ARHGAP31: variants seen among roughly 807,000 people sequenced by gnomAD.
The protein encoded by ARHGAP31 is Rho GTPase activating protein 31, also known as rho GTPase-activating protein 31.
A neutral mutation model predicts 113.9 loss-of-function variants in ARHGAP31; 34 were observed. The ratio of observed to expected loss-of-function variants is 0.30; its 90% CI spans 0.23 to 0.40. ARHGAP31 has a LOEUF of 0.40. Among genes scored for constraint, ARHGAP31 ranks in the 10% least tolerant of loss-of-function variants. The pLI, the probability that ARHGAP31 is intolerant of heterozygous loss-of-function variation, is 1.00. For synonymous variants in ARHGAP31, 650 were observed against 684.8 expected, an observed-to-expected ratio of 0.95 and a Z score of 0.79; for missense variants, 1,548 against 1,767.1, an observed-to-expected ratio of 0.88 and a Z score of 2.22.
At chr3:119,342,971 A>G (rs2080022650) in intron 1 of ARHGAP31, among the ~76,000 whole-genome samples, 1 of 152,152 alleles carries the variant, frequency 6.6e-6, no homozygotes, top group African/African-American at 2.4e-5. Context: ...ATAAAAAAGG[A>G]CAAATACACA....
chr3:119,369,244 G>A (rs1020401320), intron 3 of ARHGAP31, among the ~76,000 whole-genome samples: 4 of 152,198 alleles, frequency 2.6e-5, no homozygotes, highest in African/African-American at 9.7e-5. Flanking sequence ...AGTAGGCAGA[G>A]GGCTGGGTTT....
At chr3:119,308,787 TG>T (rs1260973072) in intron 1 of ARHGAP31, among the ~76,000 whole-genome samples, 2 of 152,238 alleles carry the variant, frequency 1.3e-5, no homozygotes, top group Non-Finnish European at 2.9e-5. Flanking sequence ...TGCCCATACC[TG>T]ATGACCTCTG....
rs2107647619 is a variant in ARHGAP31, at chr3:119,415,299, G to A, written c.3370G>A (p.Val1124Met). ...TGCTGACCTCTTCTGGTTTGAGAAT[G>A]TGGCCTCATTTAGTTCACCTGGAAT... ...PIADLFWFEN[V>M]ASFSSPGMQV... The change falls in exon 12 of 12, where the codon GTG becomes ATG. Residue 1124 changes from valine (V) to methionine (M), a missense_variant. Transcript: ENST00000264245. 6.2e-7 allele frequency: 1 copy of A among 1,614,190 alleles called. No individual in the cohort carries two copies. The highest frequency in any genetic ancestry group is 2.2e-5 in the East Asian group (1 of 44,884).
intron 1 of ARHGAP31, among the ~76,000 whole-genome samples, chr3:119,328,395 C>T (rs1485887619): frequency 6.6e-6 from 1 of 152,142 alleles, no homozygotes; most frequent in Non-Finnish European, 1.5e-5. Flanking sequence ...TGATGGGAAA[C>T]TCCTACCTCA....
At chr3:119,298,347 GCT>G (rs752634164) in intron 1 of ARHGAP31, among the ~76,000 whole-genome samples, 2 of 152,168 alleles carry the variant, frequency 1.3e-5, no homozygotes, top group Non-Finnish European at 2.9e-5. Context: ...GAAGGCCCTT[GCT>G]TGCAGCTGTA....
At chr3:119,311,176 C>T (rs1399419618) in intron 1 of ARHGAP31, among the ~76,000 whole-genome samples, 2 of 152,204 alleles carry the variant, frequency 1.3e-5, no homozygotes, top group South Asian at 2.1e-4. Flanking sequence ...CACTTCCAAC[C>T]GCTGTCATAA....
chr3:119,354,005 GA>G (rs1386424322), intron 1 of ARHGAP31, among the ~76,000 whole-genome samples: 1 of 152,194 alleles, frequency 6.6e-6, no homozygotes, highest in Admixed American at 6.5e-5. Context: ...CCCCGGCAGG[GA>G]TAAGTCACAG....
At chr3:119,353,573 G>A (rs60732857) in intron 1 of ARHGAP31, among the ~76,000 whole-genome samples, 136 of 152,318 alleles carry the variant, frequency 8.9e-4, no homozygotes, top group African/African-American at 3.1e-3. Context: ...GGGAGGCCAA[G>A]GCGGGTGGAT....
At position 119,294,612 on chromosome 3, in the gene ARHGAP31, G is replaced by C. The variant is rs1224405487; in HGVS notation, c.-293G>C. On this transcript the variant is annotated 5_prime_UTR_variant, in exon 1 of 12. Transcript: ENST00000264245. ...GAAGACACCGCAGGAGCCTGTGAAA[G>C]TCCCTAGGACTCCAAGTGAGGAAGT... 1.8e-6 allele frequency: 1 copy of C among 541,278 alleles called. No individual in the cohort carries two copies. The highest frequency in any genetic ancestry group is 3.2e-5 in the East Asian group (1 of 31,530). 33.5% of individuals were successfully genotyped at this position (541,278 alleles called of 1,614,324 possible). A position where few individuals can be genotyped will look rare whatever the true frequency, so the allele number is the denominator to read the frequency against.
At chr3:119,316,150 G>A (rs2079728483) in intron 1 of ARHGAP31, among the ~76,000 whole-genome samples, 1 of 152,188 alleles carries the variant, frequency 6.6e-6, no homozygotes, top group Non-Finnish European at 1.5e-5. Context: ...TGACCTTGCA[G>A]CATTCTCTTC....
intron 10 of ARHGAP31, among the ~76,000 whole-genome samples, chr3:119,408,542 T>C (rs1201470316): frequency 6.6e-6 from 1 of 152,240 alleles, no homozygotes; most frequent in Non-Finnish European, 1.5e-5. Context: ...ATGCTTTGTC[T>C]CCATTGTCTA....
intron 1 of ARHGAP31, among the ~76,000 whole-genome samples, chr3:119,357,390 C>G (rs934620418): frequency 6.6e-6 from 1 of 152,066 alleles, no homozygotes. Context: ...GGCTGTCCAG[C>G]GTGGCTGGAA....
chr3:119,348,225 C>T (rs1159209561), intron 1 of ARHGAP31, among the ~76,000 whole-genome samples: 1 of 152,214 alleles, frequency 6.6e-6, no homozygotes, highest in Non-Finnish European at 1.5e-5. Flanking sequence ...GCATATATTA[C>T]ATGTAATAAC....
chr3:119,376,357 T>C (rs1242765515), intron 3 of ARHGAP31, among the ~76,000 whole-genome samples: 1 of 152,060 alleles, frequency 6.6e-6, no homozygotes, highest in African/African-American at 2.4e-5. Context: ...GGCATGGTAG[T>C]GTGCGCCTGT....
At chr3:119,329,950 C>T in intron 1 of ARHGAP31, 2 of 985,468 alleles carry the variant, frequency 2.0e-6, no homozygotes, top group Non-Finnish European at 2.4e-6. Flanking sequence ...CTGAAGAAGT[C>T]AAAGTGGAGA....
chr3:119,399,481 T>C (rs1577029315), intron 9 of ARHGAP31, among the ~76,000 whole-genome samples: 2 of 152,260 alleles, frequency 1.3e-5, no homozygotes, highest in East Asian at 3.8e-4. Context: ...CCATCCTCTT[T>C]GCCCATCCTT....
chr3:119,360,893 T>C (rs1239341808), intron 1 of ARHGAP31, among the ~76,000 whole-genome samples: 2 of 152,188 alleles, frequency 1.3e-5, no homozygotes, highest in African/African-American at 4.8e-5. Flanking sequence ...TGTGTACCTC[T>C]GTAGGAGGAG....
intron 1 of ARHGAP31, among the ~76,000 whole-genome samples, chr3:119,336,720 T>C (rs1313582842): frequency 2.0e-5 from 3 of 152,222 alleles, no homozygotes; most frequent in African/African-American, 7.2e-5. Flanking sequence ...AGTATAATCA[T>C]ATGCTATACA....
chr3:119,323,656 G>A lies in ARHGAP31; in HGVS notation c.100+28652G>A, dbSNP rs1193425012. 3.3e-5 allele frequency among the ~76,000 whole-genome samples: 5 copies of A among 152,188 alleles called. No homozygotes were observed. In the East Asian group the frequency reaches 9.6e-4, roughly 29 times the overall value. On this transcript the variant is annotated intron_variant, in intron 1 of 11. Transcript: ENST00000264245. ...GAGGGAGGCCGAAGAGGCAGCCAAT[G>A]GTGGCTGGAGCAAGCCCTGTCCTCG...
Sources: gnomAD v4.1 joint callset for allele counts (sites outside exome capture counted in the v4.1 genomes callset) on GRCh38, gnomAD v4.1.1 for gene constraint, MANE v1.5 for transcripts, NCBI Gene and HGNC (gene_info 2026-07-23, HGNC 2026-07-21) for gene names.